Variants in SIN3A observed in about 807,000 individuals in gnomAD.
SIN3A encodes SIN3 transcription regulator family member A, also known as paired amphipathic helix protein Sin3a.
Under a neutral mutation model 146.1 loss-of-function variants are expected in SIN3A, and 14 were observed. That is an observed-to-expected ratio of 0.10 (90% CI 0.06 to 0.15). The LOEUF (loss-of-function observed/expected upper bound fraction) is 0.15, where lower values mean the gene tolerates loss of function less well. SIN3A is among the 10% of genes least tolerant of loss of function. The pLI is 1.00. For missense variants in SIN3A, 1,028 were observed against 1,576.0 expected (o/e 0.65, Z 5.89); for synonymous variants, 572 against 572.0 (o/e 1.00, Z 0.00).
At chr15:75,427,102 G>C (rs1182923937) in intron 2 of SIN3A, among the ~76,000 whole-genome samples, 1 of 152,164 alleles carries the variant, frequency 6.6e-6, no homozygotes, top group Non-Finnish European at 1.5e-5. Flanking sequence ...GCAGGGTGCA[G>C]TGGCTCACAC....
intron 8 of SIN3A, among the ~76,000 whole-genome samples, chr15:75,407,487 T>C (rs1426588953): frequency 6.6e-6 from 1 of 152,214 alleles, no homozygotes; most frequent in Non-Finnish European, 1.5e-5. Flanking sequence ...CTAATGCCAC[T>C]GTTTTGTTCT....
intron 5 of SIN3A, among the ~76,000 whole-genome samples, chr15:75,412,093 C>A (rs972660145): frequency 3.3e-5 from 5 of 152,194 alleles, no homozygotes; most frequent in Admixed American, 6.5e-5. Flanking sequence ...AACAACAAGA[C>A]AACTGTTGCA....
intron 1 of SIN3A, among the ~76,000 whole-genome samples, chr15:75,438,828 CAAACTTCCATCGCAGTAT>C (rs918476754): frequency 6.6e-6 from 1 of 152,172 alleles, no homozygotes; most frequent in Admixed American, 6.5e-5. Context: ...TCTTCAAAAG[CAAACTTCCATCGCAGTAT>C]TAAGTCAATG....
rs1482567748 is a variant in SIN3A, at chr15:75,451,512, A to G, written c.-123T>C. 2.1e-5 allele frequency: 3 copies of G among 145,800 alleles called. No homozygotes were observed. Among genetic ancestry groups the G allele is most frequent in the Non-Finnish European group, 4.5e-5 (3 of 66,128 alleles). The allele number at this position is 145,800 out of a possible 1,614,324, so 9.0% of individuals were successfully genotyped here. The stretch of plus-strand genomic sequence containing the variant: ...GGAGGCCCCGAGAACGGCGCGGGGC[A>G]CAGGCCCGCCGAAGCGGACTGCCAG... On this transcript the variant is annotated 5_prime_UTR_variant, in exon 1 of 21. Coordinates refer to ENST00000394947, the MANE Select transcript of SIN3A (RefSeq NM_001145358.2).
In SIN3A at chr15:75,370,664, T is replaced by C. The variant is rs936936331; in HGVS notation, c.*1315A>G. The stretch of plus-strand genomic sequence containing the variant: ...GTTGCTCACCCCCATCCATCACCAA[T>C]GTGAATAAGAAAAAATATATAGAAA... On this transcript the variant is annotated 3_prime_UTR_variant, in exon 21 of 21. Coordinates refer to ENST00000394947, the MANE Select transcript of SIN3A (RefSeq NM_001145358.2). 1.3e-5 allele frequency: 2 copies of C among 152,018 alleles called. No individual in the cohort carries two copies. Among genetic ancestry groups the C allele is most frequent in the African/African-American group, 4.8e-5 (2 of 41,362 alleles). 9.4% of individuals were successfully genotyped at this position (152,018 alleles called of 1,614,324 possible). A position where few individuals can be genotyped will look rare whatever the true frequency, so the allele number is the denominator to read the frequency against.
Position 75,392,630 on chromosome 15 carries a change from T to C in SIN3A, c.2463A>G (p.Pro821=). 6.2e-7 allele frequency: 1 copy of C among 1,614,204 alleles called. No individual in the cohort carries two copies. The highest frequency in any genetic ancestry group is 8.5e-7 in the Non-Finnish European group (1 of 1,180,036). The change falls in exon 15 of 21, where the codon CCA becomes CCG. Residue 821 remains proline, a synonymous_variant. Coordinates refer to ENST00000394947, the MANE Select transcript of SIN3A (RefSeq NM_001145358.2). ...KIKQIMHHFI[P]DLLFAQRGDL... is the part of the protein sequence containing the mutation. ...CACCTCTTTGGGCAAAGAGCAAATC[T>C]GGAATAAAATGATGCATGATTTGTT...
intron 15 of SIN3A, 35 bp from the exon 16 acceptor site, chr15:75,389,856 T>C: frequency 6.2e-7 from 1 of 1,605,674 alleles, no homozygotes; most frequent in Non-Finnish European, 8.5e-7. Context: ...GGCCTTACCT[T>C]GCTAAGAAAA....
rs1457175416 is a variant in SIN3A, at chr15:75,380,878, G to A, written c.3289-155C>T. The stretch of plus-strand genomic sequence containing the variant: ...TTCTATAAAGACATGATTGTTAGTA[G>A]GTATTGGAACACGGATTAAAAATTC... On this transcript the variant is annotated intron_variant, in intron 18 of 20. Transcript: ENST00000394947. 3 of 600,066 alleles carry A rather than the reference G, an allele frequency of 5.0e-6. No individual in the cohort carries two copies. The African/African-American group carries it at 5.5e-5, about 11-fold the overall frequency. The allele number at this position is 600,066 out of a possible 1,614,324, so 37.2% of individuals were successfully genotyped here.
Position 75,402,017 on chromosome 15 carries a change from T to A in SIN3A, c.1408-47A>T, listed in dbSNP as rs537580561. 105 of 1,274,860 alleles carry A rather than the reference T, an allele frequency of 8.2e-5. No homozygotes were observed. In the South Asian group the frequency reaches 1.2e-3, roughly 15 times the overall value. The allele number at this position is 1,274,860 out of a possible 1,614,324, so 79.0% of individuals were successfully genotyped here. The stretch of plus-strand genomic sequence containing the variant: ...AAAACAGTTTTTGTTTTTCTTAAAG[T>A]GGGGAACTGAAAAGGGCCTCGCTCT... On this transcript the variant is annotated intron_variant, in intron 9 of 20. Transcript: ENST00000394947.
intron 4 of SIN3A, 57 bp from the exon 5 acceptor site, chr15:75,413,102 A>G (rs1381323618): frequency 6.6e-7 from 1 of 1,517,868 alleles, no homozygotes; most frequent in Non-Finnish European, 8.9e-7. Flanking sequence ...CACCCTGTTA[A>G]GAAAAAATTT....
At chr15:75,444,796 T>C (rs955875663) in intron 1 of SIN3A, among the ~76,000 whole-genome samples, 1 of 152,254 alleles carries the variant, frequency 6.6e-6, no homozygotes, top group Non-Finnish European at 1.5e-5. Context: ...TCAATGTTGA[T>C]TTTCTGATTT....
At chr15:75,381,839 G>T (rs1442158618) in intron 17 of SIN3A, 134 bp from the exon 18 acceptor site, 3 of 705,806 alleles carry the variant, frequency 4.3e-6, no homozygotes, top group South Asian at 3.6e-5. Flanking sequence ...GAAGATACTA[G>T]ATCTTGGGTG....
At chr15:75,435,841 G>A (rs1017610260) in intron 1 of SIN3A, among the ~76,000 whole-genome samples, 1 of 152,074 alleles carries the variant, frequency 6.6e-6, no homozygotes, top group African/African-American at 2.4e-5. Context: ...AAAGAAAAAT[G>A]TGCCTGGGCA....
Position 75,381,054 on chromosome 15 carries a change from T to A in SIN3A, c.3289-331A>T. On this transcript the variant is annotated intron_variant, in intron 18 of 20. Transcript: ENST00000394947. ...TAGTGGCAAATGTGTGAAAGTTTCC[T>A]TCACATTACAATCTAGATTTCTGAC... is the stretch of plus-strand genomic sequence containing the variant. 2 of 173,726 alleles carry A rather than the reference T, an allele frequency of 1.2e-5. 1 individual carries two copies. The highest frequency in any genetic ancestry group is 2.4e-5 in the Non-Finnish European group (2 of 83,380). The allele number at this position is 173,726 out of a possible 1,614,324, so 10.8% of individuals were successfully genotyped here.
At chr15:75,387,382 C>T (rs985925015) in intron 16 of SIN3A, among the ~76,000 whole-genome samples, 20 of 151,452 alleles carry the variant, frequency 1.3e-4, no homozygotes, top group African/African-American at 4.9e-4. Flanking sequence ...ATAAATTAGC[C>T]GGTGTGGTGG....
At chr15:75,436,344 A>G (rs2074108124) in intron 1 of SIN3A, 1 of 152,164 alleles carries the variant, frequency 6.6e-6, no homozygotes, top group Non-Finnish European at 1.5e-5. Context: ...GGTGGCATGT[A>G]CCTGTAATCC....
rs1319720175 is a variant in SIN3A, at chr15:75,429,081, C to A, written c.189+1106G>T. Among the ~76,000 whole-genome samples the A allele has an allele frequency of 5.9e-5, 9 of 152,266 alleles. No homozygotes were observed. The East Asian group carries it at 1.7e-3, about 29-fold the overall frequency. On this transcript the variant is annotated intron_variant, in intron 2 of 20. Coordinates refer to ENST00000394947, the MANE Select transcript of SIN3A (RefSeq NM_001145358.2). ...TCAACCATTTATGTTATCGGTAAAG[C>A]TTCTGGACAATAGGCTATTTGTATT... is the stretch of plus-strand genomic sequence containing the variant.
At chr15:75,425,226 A>C (rs1391099260) in intron 2 of SIN3A, among the ~76,000 whole-genome samples, 5 of 152,240 alleles carry the variant, frequency 3.3e-5, no homozygotes, top group Non-Finnish European at 5.9e-5. Context: ...GCTGGAGTGC[A>C]GTAGCACAAT....
chr15:75,407,165 C>T (rs1425212270), intron 8 of SIN3A, 21 bp from the exon 9 acceptor site: 1 of 1,519,730 alleles, frequency 6.6e-7, no homozygotes, highest in Non-Finnish European at 9.1e-7. Flanking sequence ...AAGATACAAA[C>T]ATGTGAGATT....
Sources: gnomAD v4.1 joint callset for allele counts (sites outside exome capture counted in the v4.1 genomes callset) on GRCh38, gnomAD v4.1.1 for gene constraint, MANE v1.5 for transcripts, NCBI Gene and HGNC (gene_info 2026-07-23, HGNC 2026-07-21) for gene names.